The following COBLL1 variants were observed in gnomAD, a reference collection of about 807,000 sequenced individuals.
COBLL1 encodes the protein cordon-bleu protein-like 1.
In COBLL1, 50 loss-of-function variants were observed where a neutral mutation model predicts 94.8. That is an observed-to-expected ratio of 0.53 (90% CI 0.42 to 0.67). The LOEUF (loss-of-function observed/expected upper bound fraction) is 0.67, where lower values mean the gene tolerates loss of function less well. Among genes scored for constraint, COBLL1 ranks in the 30% least tolerant of loss-of-function variants. The pLI is 0.00. For synonymous variants in COBLL1, 448 were observed against 473.8 expected, an observed-to-expected ratio of 0.95 and a Z score of 0.71; for missense variants, 1,362 against 1,348.7, an observed-to-expected ratio of 1.01 and a Z score of -0.15.
At chr2:164,709,831 T>C (rs1684792771) in intron 7 of COBLL1, among the ~76,000 whole-genome samples, 1 of 152,240 alleles carries the variant, frequency 6.6e-6, no homozygotes, top group African/African-American at 2.4e-5. Context: ...GAACTTACGC[T>C]GTTAATAATG....
At chr2:164,779,824 C>T in intron 2 of COBLL1, 1 of 450,158 alleles carries the variant, frequency 2.2e-6, no homozygotes. Flanking sequence ...TAGCACTCTG[C>T]AAATTTAGAC....
intron 2 of COBLL1, among the ~76,000 whole-genome samples, chr2:164,802,128 C>T (rs2105320758): frequency 6.6e-6 from 1 of 152,256 alleles, no homozygotes; most frequent in East Asian, 1.9e-4. Context: ...AGTCAACTCT[C>T]AAATTAGATA....
At chr2:164,718,146 T>C (rs2105488837) in intron 7 of COBLL1, 5 of 493,916 alleles carry the variant, frequency 1.0e-5, no homozygotes, top group African/African-American at 6.3e-5. Flanking sequence ...TTGTATATAC[T>C]ATACCTGGCT....
At chr2:164,826,334 A>C (rs1685426138) in intron 2 of COBLL1, among the ~76,000 whole-genome samples, 1 of 152,360 alleles carries the variant, frequency 6.6e-6, no homozygotes, top group African/African-American at 2.4e-5. Context: ...CAGTGGACTT[A>C]TGAACTTTCT....
rs865958012 is a variant in COBLL1, at chr2:164,841,246, G to C, written c.-50C>G. 8.2e-7 allele frequency: 1 copy of C among 1,226,824 alleles called. No homozygotes were observed. Among genetic ancestry groups the C allele is most frequent in the African/African-American group, 1.6e-5 (1 of 64,152 alleles). The allele number at this position is 1,226,824 out of a possible 1,614,324, so 76.0% of individuals were successfully genotyped here. A position where few individuals can be genotyped will look rare whatever the true frequency, so the allele number is the denominator to read the frequency against. On this transcript the variant is annotated splice_region_variant and 5_prime_UTR_variant, in exon 2 of 14. Transcript: ENST00000652658. The surrounding 1 kb of genome is among the most constrained non-coding windows in gnomAD (Gnocchi z 5.5). The stretch of plus-strand genomic sequence containing the variant: ...TCCAGCTCCCAGGCGGCGCGTCACT[G>C]CTGGGGTGGGAGAGGCCGGCGGGTC...
chr2:164,716,217 T>C (rs989574788), intron 7 of COBLL1, among the ~76,000 whole-genome samples: 6 of 152,206 alleles, frequency 3.9e-5, no homozygotes, highest in African/African-American at 1.4e-4. Flanking sequence ...GTCAATGTAA[T>C]CGAATTTCTG....
At chr2:164,798,789 G>A (rs1683607676) in intron 2 of COBLL1, among the ~76,000 whole-genome samples, 1 of 151,380 alleles carries the variant, frequency 6.6e-6, no homozygotes, top group Non-Finnish European at 1.5e-5. Context: ...GGAGGCCAAG[G>A]CAGGCGGATC....
At chr2:164,689,865 G>A (rs185375225) in intron 13 of COBLL1, among the ~76,000 whole-genome samples, 35 of 152,104 alleles carry the variant, frequency 2.3e-4, no homozygotes, top group Admixed American at 1.6e-3. Context: ...GGAAGTAAGC[G>A]CTATCATAAG....
intron 2 of COBLL1, among the ~76,000 whole-genome samples, chr2:164,746,701 G>C (rs927973578): frequency 1.3e-5 from 2 of 151,688 alleles, no homozygotes; most frequent in Non-Finnish European, 2.9e-5. Flanking sequence ...TCAAACCATC[G>C]CAAGCAGGAG....
At chr2:164,807,152 A>G (rs1346570591) in intron 2 of COBLL1, among the ~76,000 whole-genome samples, 1 of 152,116 alleles carries the variant, frequency 6.6e-6, no homozygotes, top group Non-Finnish European at 1.5e-5. Context: ...CCCCTAAAAA[A>G]TGGCTACATA....
At chr2:164,688,396 A>G (rs1452212484) in intron 13 of COBLL1, among the ~76,000 whole-genome samples, 2 of 152,166 alleles carry the variant, frequency 1.3e-5, no homozygotes, top group African/African-American at 4.8e-5. Flanking sequence ...TGCTCAATAA[A>G]TATTTCTTAA....
chr2:164,706,828 G>A (rs1037161900), intron 7 of COBLL1, among the ~76,000 whole-genome samples: 3 of 152,146 alleles, frequency 2.0e-5, no homozygotes, highest in Non-Finnish European at 4.4e-5. Flanking sequence ...GCAGCAAAAA[G>A]AATCTGCTAT....
At chr2:164,703,317 G>C in intron 9 of COBLL1, 2 of 750,462 alleles carry the variant, frequency 2.7e-6, no homozygotes, top group Non-Finnish European at 2.2e-6. Flanking sequence ...AGATTTGTTA[G>C]CTCACAATTA....
intron 2 of COBLL1, among the ~76,000 whole-genome samples, chr2:164,658,981 G>A (rs1369378106): frequency 6.6e-6 from 1 of 152,090 alleles, no homozygotes; most frequent in African/African-American, 2.4e-5. Flanking sequence ...CCCCAGCAGT[G>A]TAAGACTGCC....
chr2:164,775,576 C>T (rs1025503297), intron 2 of COBLL1, among the ~76,000 whole-genome samples: 1 of 152,194 alleles, frequency 6.6e-6, no homozygotes, highest in Non-Finnish European at 1.5e-5. Flanking sequence ...AATTCTCCTG[C>T]CTCAGCTTCC....
At position 164,695,777 on chromosome 2, in the gene COBLL1, C is replaced by T. The variant is rs1284009281; in HGVS notation, c.1615G>A (p.Val539Met). The change falls in exon 12 of 14, where the codon GTG becomes ATG. Residue 539 changes from valine to methionine, a missense_variant. Coordinates refer to ENST00000652658, the MANE Select transcript of COBLL1 (RefSeq NM_001365672.2). ...TCTACATTGATTTCTGTTTTCTTCACTCCATTTTTCATATTGTCTTCTGTG... is the reference window on the plus strand; with the variant it reads ...TCTACATTGATTTCTGTTTTCTTCATTCCATTTTTCATATTGTCTTCTGTG... ...ENTEDNMKNG[V>M]KKTEINVEGV... 2.5e-6 allele frequency: 4 copies of T among 1,611,132 alleles called. No homozygotes were observed. Among genetic ancestry groups the T allele is most frequent in the Non-Finnish European group, 3.4e-6 (4 of 1,178,758 alleles).
intron 3 of COBLL1, among the ~76,000 whole-genome samples, chr2:164,738,817 G>C (rs888756178): frequency 6.6e-6 from 1 of 151,900 alleles, no homozygotes; most frequent in African/African-American, 2.4e-5. Flanking sequence ...CATTTCCTTT[G>C]AGCATCATAT....
chr2:164,663,962 T>A (rs187076988), intron 2 of COBLL1, among the ~76,000 whole-genome samples: 1 of 152,172 alleles, frequency 6.6e-6, no homozygotes, highest in Non-Finnish European at 1.5e-5. Context: ...TAAAAATAAA[T>A]GAAAATAAGC....
intron 2 of COBLL1, among the ~76,000 whole-genome samples, chr2:164,775,743 G>A (rs1392082684): frequency 4.6e-5 from 7 of 152,072 alleles, no homozygotes; most frequent in Admixed American, 2.6e-4. Flanking sequence ...CGTGAGCCAC[G>A]GCACCTGGCC....
Sources: gnomAD v4.1 joint callset for allele counts (sites outside exome capture counted in the v4.1 genomes callset) on GRCh38, gnomAD v4.1.1 for gene constraint, Gnocchi (gnomAD v3.1) non-coding constraint, MANE v1.5 for transcripts, NCBI Gene and HGNC (gene_info 2026-07-23, HGNC 2026-07-21) for gene names.